AAK1: variants seen among roughly 807,000 people sequenced by gnomAD.
AAK1 encodes the protein AP2-associated protein kinase 1.
In AAK1, 37 loss-of-function variants were observed where a neutral mutation model predicts 116.0. The observed-to-expected ratio is 0.32, with a 90% CI of 0.25 to 0.42. The LOEUF is 0.42. Among genes scored for constraint, AAK1 ranks in the 10% least tolerant of loss-of-function variants. AAK1 has a pLI of 1.00. For synonymous variants in AAK1, 458 were observed against 439.9 expected (o/e 1.04, Z -0.51); for missense variants, 919 against 1,170.6 (o/e 0.79, Z 3.14).
intron 3 of AAK1, among the ~76,000 whole-genome samples, chr2:69,552,719 AG>A (rs1247864771): frequency 6.6e-6 from 1 of 152,050 alleles, no homozygotes; most frequent in Admixed American, 6.6e-5. Flanking sequence ...GTCTCAAAAA[AG>A]AAAAAAAAAA....
At chr2:69,538,213 A>G (rs1030310497) in intron 5 of AAK1, among the ~76,000 whole-genome samples, 8 of 152,258 alleles carry the variant, frequency 5.3e-5, no homozygotes, top group Non-Finnish European at 1.2e-4. Flanking sequence ...TCTTAGGAGC[A>G]CTGAGGTGCA....
intron 5 of AAK1, among the ~76,000 whole-genome samples, chr2:69,537,261 A>C (rs1670514460): frequency 6.6e-6 from 1 of 152,246 alleles, no homozygotes; most frequent in South Asian, 2.1e-4. Flanking sequence ...AAAATAATGT[A>C]TTAGAGGAGA....
chr2:69,540,344 C>T (rs910691132), intron 5 of AAK1, among the ~76,000 whole-genome samples: 1 of 152,172 alleles, frequency 6.6e-6, no homozygotes, highest in African/African-American at 2.4e-5. Context: ...TGGTCTCGAA[C>T]TCCTGACCAC....
At chr2:69,582,029 T>C (rs1558978409) in intron 2 of AAK1, among the ~76,000 whole-genome samples, 3 of 151,474 alleles carry the variant, frequency 2.0e-5, no homozygotes, top group Admixed American at 6.6e-5. Context: ...GTGTGAAAAA[T>C]ATTTTTTTAA....
chr2:69,641,781 A>T (rs538807172), intron 2 of AAK1, among the ~76,000 whole-genome samples: 1 of 152,118 alleles, frequency 6.6e-6, no homozygotes, highest in African/African-American at 2.4e-5. Context: ...GAGGCCTCTT[A>T]GCTTTCTCTC....
chr2:69,466,253 C>T lies in AAK1; in HGVS notation c.*9616G>A. 1 of 1,289,794 alleles carries T rather than the reference C, an allele frequency of 7.8e-7. No homozygotes were observed. The highest frequency in any genetic ancestry group is 1.2e-5 in the South Asian group (1 of 81,028). The allele number at this position is 1,289,794 out of a possible 1,614,324, so 79.9% of individuals were successfully genotyped here. On this transcript the variant is annotated 3_prime_UTR_variant, in exon 22 of 22. Coordinates refer to ENST00000409085, the MANE Select transcript of AAK1 (RefSeq NM_014911.5). The stretch of plus-strand genomic sequence containing the variant: ...GAGCGAATGGAACGGCTCCTCCCAG[C>T]TTCCCCGGGGGGGGTCTGCAGCTCT...
At chr2:69,549,393 A>C (rs1017795387) in intron 3 of AAK1, among the ~76,000 whole-genome samples, 1 of 152,058 alleles carries the variant, frequency 6.6e-6, no homozygotes, top group Admixed American at 6.5e-5. Context: ...AAAAAGTAAA[A>C]TATAATAAAC....
In AAK1 at chr2:69,482,853, T is replaced by C. The variant is rs758546388; in HGVS notation, c.2366-41A>G. Reference sequence around the variant, plus strand: ...AGACAAAAAGAAAGCAAAAATGTAGTAAGATATTAAAGCCAGCGGATCATT... The same window carrying C: ...AGACAAAAAGAAAGCAAAAATGTAGCAAGATATTAAAGCCAGCGGATCATT... On this transcript the variant is annotated intron_variant, in intron 17 of 21. Coordinates refer to ENST00000409085, the MANE Select transcript of AAK1 (RefSeq NM_014911.5). The C allele has an allele frequency of 3.1e-6, 4 of 1,292,254 alleles. No homozygotes were observed. In the East Asian group the frequency reaches 9.3e-5, roughly 30 times the overall value. The allele number at this position is 1,292,254 out of a possible 1,614,324, so 80.0% of individuals were successfully genotyped here.
chr2:69,643,449 G>T, intron 1 of AAK1, 126 bp downstream of exon 1: 1 of 1,198,268 alleles, frequency 8.3e-7, no homozygotes, highest in Non-Finnish European at 1.0e-6. Context: ...CGGGACCCCC[G>T]AGCCGGGAGC....
intron 2 of AAK1, among the ~76,000 whole-genome samples, chr2:69,569,841 A>T (rs1358674770): frequency 6.6e-6 from 1 of 152,082 alleles, no homozygotes; most frequent in African/African-American, 2.4e-5. Flanking sequence ...CTAGTGTTTC[A>T]TTATTTGAAT....
At chr2:69,476,841 G>A (rs1674875250) in intron 21 of AAK1, 39 bp downstream of exon 21, 2 of 1,487,868 alleles carry the variant, frequency 1.3e-6, no homozygotes, top group South Asian at 2.3e-5. Flanking sequence ...GAAGAGAACT[G>A]AGGCCAAGCT....
intron 13 of AAK1, among the ~76,000 whole-genome samples, chr2:69,510,051 A>AT (rs905461569): frequency 5.4e-4 from 82 of 152,232 alleles, no homozygotes; most frequent in Middle Eastern, 3.4e-3. Flanking sequence ...TTGAACTTTT[A>AT]TTTTAGGTTC....
chr2:69,609,385 A>G (rs2105213081), intron 2 of AAK1, among the ~76,000 whole-genome samples: 1 of 150,354 alleles, frequency 6.7e-6, no homozygotes, highest in South Asian at 2.1e-4. Flanking sequence ...GAATACCAAT[A>G]AAATTAAAAA....
intron 5 of AAK1, among the ~76,000 whole-genome samples, chr2:69,539,289 C>A (rs1054514456): frequency 3.9e-5 from 6 of 152,102 alleles, no homozygotes; most frequent in African/African-American, 1.5e-4. Context: ...TTTGGCAATA[C>A]GGAGGAAGCT....
chr2:69,541,227 CTTTTT>C (rs545915571), intron 5 of AAK1, among the ~76,000 whole-genome samples: 32 of 125,280 alleles, frequency 2.6e-4, no homozygotes, highest in African/African-American at 7.1e-4. Context: ...TTTTATACTT[CTTTTT>C]TTTTTTTTTT....
intron 2 of AAK1, among the ~76,000 whole-genome samples, chr2:69,558,339 C>CA (rs35878234): frequency 0.51 from 68,177 of 133,544 alleles, 17,165 homozygotes; most frequent in East Asian, 0.77. Context: ...GACCCTGTCT[C>CA]AAAAAAAAAA....
chr2:69,589,274 T>C (rs867996285), intron 2 of AAK1, among the ~76,000 whole-genome samples: 1 of 152,014 alleles, frequency 6.6e-6, no homozygotes, highest in Non-Finnish European at 1.5e-5. Context: ...AGGACAAAGT[T>C]GAAAATATAA....
At chr2:69,567,007 A>G (rs544572595) in intron 2 of AAK1, among the ~76,000 whole-genome samples, 4 of 152,308 alleles carry the variant, frequency 2.6e-5, no homozygotes, top group African/African-American at 9.6e-5. Context: ...CACCCCTCTT[A>G]GAATAAAACT....
intron 2 of AAK1, among the ~76,000 whole-genome samples, chr2:69,561,585 A>G (rs1223623105): frequency 6.6e-6 from 1 of 152,202 alleles, no homozygotes; most frequent in Non-Finnish European, 1.5e-5. Context: ...TCATCTTTAG[A>G]AATTTTTATT....
Sources: gnomAD v4.1 joint callset for allele counts (sites outside exome capture counted in the v4.1 genomes callset) on GRCh38, gnomAD v4.1.1 for gene constraint, MANE v1.5 for transcripts, NCBI Gene and HGNC (gene_info 2026-07-23, HGNC 2026-07-21) for gene names.